Variants in ANKRD44 observed in about 807,000 individuals in gnomAD.
ANKRD44 encodes serine/threonine-protein phosphatase 6 regulatory ankyrin repeat subunit B.
Under a neutral mutation model 116.0 loss-of-function variants are expected in ANKRD44, and 35 were observed. The observed-to-expected ratio is 0.30, with a 90% confidence interval of 0.23 to 0.40. The LOEUF is 0.40. Among genes scored for constraint, ANKRD44 ranks in the 10% least tolerant of loss-of-function variants. The pLI is 1.00. For missense variants in ANKRD44, 1,014 were observed against 1,242.6 expected, an observed-to-expected ratio of 0.82 and a Z score of 2.77; for synonymous variants, 435 against 461.8, an observed-to-expected ratio of 0.94 and a Z score of 0.74.
At chr2:196,968,248 T>C (rs907131748) in intron 21 of ANKRD44, among the ~76,000 whole-genome samples, 3 of 152,172 alleles carry the variant, frequency 2.0e-5, no homozygotes, top group African/African-American at 7.2e-5. Flanking sequence ...GAAATGGAAT[T>C]GGTTGACGGA....
intron 16 of ANKRD44, among the ~76,000 whole-genome samples, chr2:197,033,821 T>C (rs889422054): frequency 2.6e-5 from 4 of 152,178 alleles, no homozygotes; most frequent in African/African-American, 9.7e-5. Flanking sequence ...CTGCTCTAAG[T>C]AGTCCCCTTC....
At chr2:197,111,650 AG>A (rs1357684081) in intron 8 of ANKRD44, among the ~76,000 whole-genome samples, 2,924 of 150,922 alleles carry the variant, frequency 0.019, 41 homozygotes, top group Non-Finnish European at 0.03. Flanking sequence ...AAAAAAAAAA[AG>A]AAAAGAAAAC....
intron 1 of ANKRD44, among the ~76,000 whole-genome samples, chr2:197,210,260 A>G (rs1211922365): frequency 6.6e-6 from 1 of 152,206 alleles, no homozygotes; most frequent in Non-Finnish European, 1.5e-5. Flanking sequence ...GCTGGGCTTG[A>G]GATGTGTTGA....
intron 1 of ANKRD44, among the ~76,000 whole-genome samples, chr2:197,296,852 AC>A (rs896441273): frequency 1.3e-5 from 2 of 152,184 alleles, no homozygotes; most frequent in African/African-American, 4.8e-5. Flanking sequence ...CTTTCATCTA[AC>A]TTTTTAAGTC....
At position 197,250,382 on chromosome 2, in the gene ANKRD44, T is replaced by C. The variant is rs1455904528; in HGVS notation, c.27+60196A>G. ...AAGACCCCAGTTGACTTCCATGAAG[T>C]CTCATAGACCAGAACAAAGGCACAC... On this transcript the variant is annotated intron_variant, in intron 1 of 27. Coordinates refer to ENST00000282272, the MANE Select transcript of ANKRD44 (RefSeq NM_001195144.2). Among the ~76,000 whole-genome samples, 8 of 152,236 alleles carry C rather than the reference T, an allele frequency of 5.3e-5. No individual in the cohort carries two copies. In the South Asian group the frequency reaches 1.5e-3, roughly 28 times the overall value.
At chr2:196,993,461 G>A (rs1330860492) in intron 27 of ANKRD44, 122 bp downstream of exon 27, 14 of 753,526 alleles carry the variant, frequency 1.9e-5, no homozygotes, top group Non-Finnish European at 3.1e-5. Context: ...TCACACACAG[G>A]ACTTCCAAGG....
At chr2:197,232,932 A>T (rs1047280003) in intron 1 of ANKRD44, among the ~76,000 whole-genome samples, 1 of 152,210 alleles carries the variant, frequency 6.6e-6, no homozygotes, top group Non-Finnish European at 1.5e-5. Flanking sequence ...AGACAGTTCT[A>T]TTATATTTGT....
chr2:197,249,728 G>C (rs1030543048), intron 1 of ANKRD44, among the ~76,000 whole-genome samples: 1 of 152,118 alleles, frequency 6.6e-6, no homozygotes, highest in African/African-American at 2.4e-5. Flanking sequence ...CATTTATTTT[G>C]AGAATATTTA....
intron 1 of ANKRD44, among the ~76,000 whole-genome samples, chr2:197,249,475 C>G (rs1186389751): frequency 6.6e-6 from 1 of 152,148 alleles, no homozygotes; most frequent in Non-Finnish European, 1.5e-5. Context: ...AAACAGTACA[C>G]TGGGAAGCAA....
At chr2:197,037,827 A>G (rs2076835886) in intron 16 of ANKRD44, among the ~76,000 whole-genome samples, 2 of 152,162 alleles carry the variant, frequency 1.3e-5, no homozygotes, top group African/African-American at 2.4e-5. Flanking sequence ...CTATAGTCCC[A>G]GCTACTCAGG....
intron 16 of ANKRD44, among the ~76,000 whole-genome samples, chr2:197,073,474 C>T (rs62279194): frequency 0.13 from 19,174 of 152,212 alleles, 1,425 homozygotes; most frequent in Non-Finnish European, 0.17. Flanking sequence ...TACTTTGACC[C>T]ATCATTTCTG....
intron 16 of ANKRD44, among the ~76,000 whole-genome samples, chr2:197,076,876 G>A (rs1375548719): frequency 6.6e-6 from 1 of 152,140 alleles, no homozygotes; most frequent in Non-Finnish European, 1.5e-5. Context: ...TGGTATCTAT[G>A]TACCATACTG....
In ANKRD44 at chr2:196,988,138, A is replaced by G. The variant is rs896778509; in HGVS notation, c.*1453T>C. ...CATGGTGAGTCACTGCTTTGCTGAA[A>G]TGATTCTTGTACTCTCTGCTACACG... is the stretch of plus-strand genomic sequence containing the variant. On this transcript the variant is annotated 3_prime_UTR_variant, in exon 28 of 28. Coordinates refer to ENST00000282272, the MANE Select transcript of ANKRD44 (RefSeq NM_001195144.2). 3.1e-4 allele frequency: 304 copies of G among 985,410 alleles called. No homozygotes were observed. The highest frequency in any genetic ancestry group is 1.2e-4 in the Non-Finnish European group (101 of 829,916). 61.0% of individuals were successfully genotyped at this position (985,410 alleles called of 1,614,324 possible). A position where few individuals can be genotyped will look rare whatever the true frequency, so the allele number is the denominator to read the frequency against.
At chr2:197,047,072 G>A (rs2077015635) in intron 16 of ANKRD44, among the ~76,000 whole-genome samples, 1 of 151,252 alleles carries the variant, frequency 6.6e-6, no homozygotes, top group Non-Finnish European at 1.5e-5. Context: ...ACGCTAGAGT[G>A]CAATGGCGCA....
intron 10 of ANKRD44, among the ~76,000 whole-genome samples, chr2:197,097,782 T>C (rs2078195761): frequency 6.6e-6 from 1 of 152,208 alleles, no homozygotes; most frequent in Non-Finnish European, 1.5e-5. Context: ...ATGGGATCAT[T>C]AGACACAACC....
chr2:197,135,959 T>C, intron 4 of ANKRD44: 1 of 153,684 alleles, frequency 6.5e-6, no homozygotes, highest in Non-Finnish European at 1.4e-5. Flanking sequence ...CTGAGACCTC[T>C]CCCCCTCAGC....
chr2:197,034,049 C>CGAGAGAGA (rs1491563139), intron 16 of ANKRD44, among the ~76,000 whole-genome samples: 2 of 13,250 alleles, frequency 1.5e-4, no homozygotes, highest in South Asian at 2.8e-3. Context: ...CATATGAGGG[C>CGAGAGAGA]TAGAGAGAGA....
rs1464232246 is a variant in ANKRD44 at position 197,227,476 on chromosome 2, T to A, written c.28-40370A>T. ...CTAGGGTTTAGTGAACACCTCCTGG[T>A]AAACACGACTGAAGGTGTGAAAACT... On this transcript the variant is annotated intron_variant, in intron 1 of 27. Transcript: ENST00000282272. Among the ~76,000 whole-genome samples the A allele has an allele frequency of 3.9e-5, 6 of 152,294 alleles. No homozygotes were observed. In the South Asian group the frequency reaches 1.2e-3, roughly 32 times the overall value.
intron 16 of ANKRD44, chr2:197,078,323 ACAC>A (rs1553502809): frequency 3.6e-6 from 1 of 274,408 alleles, no homozygotes. Context: ...ACACACACAC[ACAC>A]GCATACACAT....
Sources: allele counts gnomAD v4.1 joint callset (sites outside exome capture counted in the v4.1 genomes callset), GRCh38; gene constraint gnomAD v4.1.1; transcripts MANE v1.5; gene names NCBI Gene and HGNC (gene_info 2026-07-23, HGNC 2026-07-21).